The following CDK13 variants were observed in gnomAD, a reference collection of about 807,000 sequenced individuals.
The protein encoded by CDK13 is cyclin-dependent kinase 13.
Under a neutral mutation model 137.6 loss-of-function variants are expected in CDK13, and 40 were observed. The ratio of observed to expected loss-of-function variants is 0.29; its 90% CI spans 0.23 to 0.38. CDK13 has a LOEUF of 0.38. Ranked by LOEUF, CDK13 falls within the 10% of genes least tolerant of loss-of-function variation. The pLI, the probability that CDK13 is intolerant of heterozygous loss-of-function variation, is 1.00. For missense variants in CDK13, 1,704 were observed against 1,951.8 expected (o/e 0.87, Z 2.39); for synonymous variants, 869 against 760.1 (o/e 1.14, Z -2.36).
chr7:40,059,144 A>G (rs1329375116), intron 7 of CDK13: 3 of 152,174 alleles, frequency 2.0e-5, no homozygotes, highest in Non-Finnish European at 4.4e-5. Flanking sequence ...AAATACTTCA[A>G]GGATCTAGGA....
chr7:40,041,797 A>C (rs112859970), intron 5 of CDK13, among the ~76,000 whole-genome samples: 19 of 152,228 alleles, frequency 1.2e-4, no homozygotes, highest in Admixed American at 3.3e-4. Flanking sequence ...AGTTACATGG[A>C]GTGGCATAAG....
intron 5 of CDK13, among the ~76,000 whole-genome samples, chr7:40,043,831 CAA>C (rs112749380): frequency 9.2e-5 from 9 of 97,632 alleles, no homozygotes; most frequent in East Asian, 3.1e-4. Context: ...GACCCTGTCT[CAA>C]AAAAAAAAAA....
intron 13 of CDK13, 119 bp from the exon 14 acceptor site, chr7:40,094,011 T>C: frequency 8.1e-7 from 1 of 1,228,844 alleles, no homozygotes; most frequent in African/African-American, 1.5e-5. Flanking sequence ...TCATTTAACA[T>C]TTTGCCAGAG....
intron 5 of CDK13, among the ~76,000 whole-genome samples, chr7:40,029,292 G>A (rs941755341): frequency 1.2e-4 from 18 of 151,982 alleles, no homozygotes; most frequent in African/African-American, 4.4e-4. Context: ...TTCGATCGTG[G>A]TGATGGACGC....
At chr7:40,002,920 A>C (rs1318946816) in intron 5 of CDK13, among the ~76,000 whole-genome samples, 2 of 149,494 alleles carry the variant, frequency 1.3e-5, no homozygotes, top group Admixed American at 6.7e-5. Flanking sequence ...AAAAAAAAAC[A>C]ACCAGAAAAT....
chr7:39,998,670 A>G (rs973046524), intron 3 of CDK13: 3 of 152,034 alleles, frequency 2.0e-5, no homozygotes, highest in African/African-American at 7.2e-5. Flanking sequence ...CTTCTTGAGC[A>G]CTGTAGTTTT....
rs191962083 is a variant in CDK13 at position 39,962,074 on chromosome 7, G to A, written c.1211+10222G>A. ...GGGTTGGTTCCAAGTCTTTGCTATCGTGAATAGTGCCGCAATAAACATACA... is the reference window on the plus strand; with the variant it reads ...GGGTTGGTTCCAAGTCTTTGCTATCATGAATAGTGCCGCAATAAACATACA... On this transcript the variant is annotated intron_variant, in intron 1 of 13. Coordinates refer to ENST00000181839, the MANE Select transcript of CDK13 (RefSeq NM_003718.5). 1.9e-3 allele frequency among the ~76,000 whole-genome samples: 292 copies of A among 152,224 alleles called. 2 individuals are homozygous for A. Among genetic ancestry groups the A allele is most frequent in the African/African-American group, 6.7e-3 (277 of 41,534 alleles).
intron 9 of CDK13, chr7:40,069,696 A>C (rs1786367634): frequency 6.5e-6 from 1 of 153,628 alleles, no homozygotes; most frequent in Non-Finnish European, 1.5e-5. Flanking sequence ...CACCATAGTG[A>C]ATGAGTTATT....
chr7:39,961,953 A>T (rs773415), intron 1 of CDK13, among the ~76,000 whole-genome samples: 30 of 151,914 alleles, frequency 2.0e-4, no homozygotes, highest in African/African-American at 7.3e-4. Context: ...ATATCCCTAC[A>T]AAGGACATGA....
rs574551812 is a variant in CDK13 at position 40,084,895 on chromosome 7, C to G, written c.3030-3231C>G. Reference sequence around the variant, plus strand: ...TGCCTAAGACACATCAAGTAAGTGACTGAGCTGGCATTTGAACCTTCAAGA... The same window carrying G: ...TGCCTAAGACACATCAAGTAAGTGAGTGAGCTGGCATTTGAACCTTCAAGA... On this transcript the variant is annotated intron_variant, in intron 11 of 13. Coordinates refer to ENST00000181839, the MANE Select transcript of CDK13 (RefSeq NM_003718.5). Among the ~76,000 whole-genome samples, 22 of 152,288 alleles carry G rather than the reference C, an allele frequency of 1.4e-4. No homozygotes were observed. In the South Asian group the frequency reaches 1.9e-3, roughly 13 times the overall value.
chr7:40,080,054 C>G (rs1264272149), intron 11 of CDK13, among the ~76,000 whole-genome samples: 1 of 152,184 alleles, frequency 6.6e-6, no homozygotes, highest in East Asian at 1.9e-4. Context: ...GTGGCACGAT[C>G]TCAGCTCACT....
intron 1 of CDK13, among the ~76,000 whole-genome samples, chr7:39,967,014 C>T (rs1202015927): frequency 6.6e-6 from 1 of 152,154 alleles, no homozygotes; most frequent in Non-Finnish European, 1.5e-5. Flanking sequence ...AGGTGTCAGT[C>T]TGCCCCTACT....
At chr7:40,035,593 G>A (rs531532899) in intron 5 of CDK13, among the ~76,000 whole-genome samples, 2 of 151,684 alleles carry the variant, frequency 1.3e-5, no homozygotes, top group African/African-American at 4.8e-5. Context: ...ATCTGTCACT[G>A]TCTCCCATCA....
chr7:40,058,806 T>G (rs992129342), intron 7 of CDK13, among the ~76,000 whole-genome samples: 23 of 152,180 alleles, frequency 1.5e-4, no homozygotes, highest in African/African-American at 5.3e-4. Flanking sequence ...ATCCCAGATT[T>G]CTTTTGTAGG....
Position 39,999,510 on chromosome 7 carries a change from C to T in CDK13, c.2182+10C>T. The T allele has an allele frequency of 1.3e-6, 2 of 1,590,672 alleles. No homozygotes were observed. Among genetic ancestry groups the T allele is most frequent in the Non-Finnish European group, 1.7e-6 (2 of 1,167,454 alleles). On this transcript the variant is annotated intron_variant, in intron 4 of 13. Coordinates refer to ENST00000181839, the MANE Select transcript of CDK13 (RefSeq NM_003718.5). Reference sequence around the variant, plus strand: ...AGGGATAAAGACACTGGTAAGAATGCCAAGTTCTGGGGATCTTTGGGCCTA... The same window carrying T: ...AGGGATAAAGACACTGGTAAGAATGTCAAGTTCTGGGGATCTTTGGGCCTA...
chr7:40,082,167 G>A (rs550190268), intron 11 of CDK13, among the ~76,000 whole-genome samples: 15 of 152,136 alleles, frequency 9.9e-5, no homozygotes, highest in African/African-American at 3.1e-4. Context: ...GAACTCCTTC[G>A]ACATTATGTG....
At chr7:40,008,677 A>T (rs531498582) in intron 5 of CDK13, among the ~76,000 whole-genome samples, 99 of 152,280 alleles carry the variant, frequency 6.5e-4, no homozygotes, top group Middle Eastern at 3.4e-3. Flanking sequence ...TAAACTATGT[A>T]TCTTTTTTTC....
intron 5 of CDK13, among the ~76,000 whole-genome samples, chr7:40,045,378 T>C (rs1785711357): frequency 6.6e-6 from 1 of 151,898 alleles, no homozygotes; most frequent in Non-Finnish European, 1.5e-5. Flanking sequence ...AGAATTAAAT[T>C]ACATGTTTAT....
intron 1 of CDK13, among the ~76,000 whole-genome samples, chr7:39,964,289 A>G (rs1481188015): frequency 2.6e-5 from 4 of 152,130 alleles, no homozygotes; most frequent in Non-Finnish European, 4.4e-5. Context: ...TATTGCCTCA[A>G]TTTCAGAGCC....
Sources: allele counts gnomAD v4.1 joint callset (sites outside exome capture counted in the v4.1 genomes callset), GRCh38; gene constraint gnomAD v4.1.1; transcripts MANE v1.5; gene names NCBI Gene and HGNC (gene_info 2026-07-23, HGNC 2026-07-21).